Variants in MOCOS observed in about 807,000 individuals in gnomAD.
MOCOS encodes molybdenum cofactor sulfurase.
Under a neutral mutation model 83.6 loss-of-function variants are expected in MOCOS, and 86 were observed. That is an observed-to-expected ratio of 1.03 (90% CI 0.86 to 1.23). The LOEUF is 1.23. MOCOS is among the 50% of genes most tolerant of loss of function. MOCOS has a pLI of 0.00. For synonymous variants in MOCOS, 445 were observed against 434.7 expected (o/e 1.02, Z -0.29); for missense variants, 1,120 against 1,126.9 (o/e 0.99, Z 0.09).
intron 11 of MOCOS, chr18:36,256,719 AG>A: frequency 2.4e-6 from 1 of 418,742 alleles, no homozygotes. Flanking sequence ...CAAAGTGCTG[AG>A]CCACTGTGCC....
chr18:36,245,247 T>C (rs1483580246), intron 9 of MOCOS, among the ~76,000 whole-genome samples: 3 of 152,216 alleles, frequency 2.0e-5, no homozygotes, highest in Admixed American at 1.3e-4. Flanking sequence ...AAGGAAGTTC[T>C]ATTTTTGGTG....
At chr18:36,189,454 G>GT (rs2091356440) in intron 1 of MOCOS, among the ~76,000 whole-genome samples, 1 of 148,764 alleles carries the variant, frequency 6.7e-6, no homozygotes, top group Non-Finnish European at 1.5e-5. Context: ...CAGAGAGAGG[G>GT]CGGGAAAAAA....
Position 36,241,950 on chromosome 18 carries a change from C to T in MOCOS, c.1961-6972C>T, listed in dbSNP as rs867892353. The stretch of plus-strand genomic sequence containing the variant: ...CACCAAATCCTGAGGCTACACACAG[C>T]AGTGGGGCCCTGAGCCTGACCCGCG... On this transcript the variant is annotated intron_variant, in intron 9 of 14. Coordinates refer to ENST00000261326, the MANE Select transcript of MOCOS (RefSeq NM_017947.4). Among the ~76,000 whole-genome samples the T allele has an allele frequency of 1.1e-4, 17 of 152,342 alleles. No homozygotes were observed. In the South Asian group the frequency reaches 3.5e-3, roughly 32 times the overall value.
intron 10 of MOCOS, among the ~76,000 whole-genome samples, chr18:36,250,708 C>G (rs1034836824): frequency 6.6e-6 from 1 of 152,194 alleles, no homozygotes; most frequent in Non-Finnish European, 1.5e-5. Context: ...AAATGCAGTA[C>G]TTATATCTGT....
intron 13 of MOCOS, among the ~76,000 whole-genome samples, chr18:36,264,550 G>T (rs1382807416): frequency 2.6e-5 from 4 of 152,130 alleles, no homozygotes; most frequent in Non-Finnish European, 2.9e-5. Flanking sequence ...TGCCAGGCCT[G>T]GGCTTGAGTC....
At position 36,270,319 on chromosome 18, in the gene MOCOS, A is replaced by G. The variant is rs1287410174; in HGVS notation, c.*1634A>G. 1.3e-5 allele frequency: 2 copies of G among 152,216 alleles called. No individual in the cohort carries two copies. Among genetic ancestry groups the G allele is most frequent in the African/African-American group, 4.8e-5 (2 of 41,434 alleles). 9.4% of individuals were successfully genotyped at this position (152,216 alleles called of 1,614,324 possible). A position where few individuals can be genotyped will look rare whatever the true frequency, so the allele number is the denominator to read the frequency against. ...CTCAGGCCAGTTTCATGCAGGAGGG[A>G]ACTTTCCAGATGGCACATTGCCCCA... On this transcript the variant is annotated 3_prime_UTR_variant, in exon 15 of 15. Transcript: ENST00000261326.
intron 14 of MOCOS, 74 bp from the exon 15 acceptor site, chr18:36,268,459 T>G: frequency 6.3e-7 from 1 of 1,592,908 alleles, no homozygotes; most frequent in East Asian, 2.2e-5. Flanking sequence ...TAGTTAAACA[T>G]TAATATTTAC....
chr18:36,200,420 G>C, intron 4 of MOCOS, 96 bp downstream of exon 4: 1 of 1,482,878 alleles, frequency 6.7e-7, no homozygotes, highest in Non-Finnish European at 9.2e-7. Flanking sequence ...GTCTGGCTTT[G>C]AGGGTCAGCA....
rs147064154 is a variant in MOCOS at position 36,200,999 on chromosome 18, G to T, written c.941+675G>T. The stretch of plus-strand genomic sequence containing the variant: ...CCAGGCTGCAAGGGCAGGTGGTGTG[G>T]GTTATGCTCAGGACTCTTTCAAATG... On this transcript the variant is annotated intron_variant, in intron 4 of 14. Coordinates refer to ENST00000261326, the MANE Select transcript of MOCOS (RefSeq NM_017947.4). Among the ~76,000 whole-genome samples, 105 of 152,334 alleles carry T rather than the reference G, an allele frequency of 6.9e-4. No individual in the cohort carries two copies. In the East Asian group the frequency reaches 0.017, roughly 24 times the overall value.
chr18:36,240,425 G>A (rs1316756616), intron 9 of MOCOS, among the ~76,000 whole-genome samples: 2 of 150,426 alleles, frequency 1.3e-5, no homozygotes, highest in African/African-American at 4.9e-5. Flanking sequence ...CTGCTGGGGG[G>A]TGCCTCCCAG....
chr18:36,229,172 C>T (rs2091528866), intron 9 of MOCOS, among the ~76,000 whole-genome samples: 1 of 151,966 alleles, frequency 6.6e-6, no homozygotes, highest in African/African-American at 2.4e-5. Context: ...CTTTCTTATG[C>T]TATTGTGTTG....
At chr18:36,260,006 C>G (rs1051051742) in intron 12 of MOCOS, 31 bp from the exon 13 acceptor site, 3 of 1,613,754 alleles carry the variant, frequency 1.9e-6, no homozygotes, top group South Asian at 1.1e-5. Flanking sequence ...CCATCCTCCC[C>G]CTACTTACTC....
intron 14 of MOCOS, among the ~76,000 whole-genome samples, chr18:36,268,043 G>A (rs2091687362): frequency 1.3e-5 from 2 of 152,184 alleles, no homozygotes; most frequent in African/African-American, 4.8e-5. Flanking sequence ...TGCATTGATG[G>A]TTAACATTGA....
chr18:36,203,480 C>T (rs954161974), intron 5 of MOCOS, among the ~76,000 whole-genome samples: 1 of 152,176 alleles, frequency 6.6e-6, no homozygotes, highest in African/African-American at 2.4e-5. Flanking sequence ...TCCCTGGGTC[C>T]TGGGAATGGT....
At chr18:36,222,500 TA>T (rs1391832348) in intron 9 of MOCOS, among the ~76,000 whole-genome samples, 2 of 152,152 alleles carry the variant, frequency 1.3e-5, no homozygotes, top group African/African-American at 4.8e-5. Context: ...TTAGTGATGT[TA>T]AACATTTTCC....
intron 9 of MOCOS, among the ~76,000 whole-genome samples, chr18:36,237,008 C>T (rs1049731491): frequency 2.6e-5 from 4 of 151,634 alleles, no homozygotes; most frequent in African/African-American, 7.3e-5. Context: ...GCTGAAGTTG[C>T]TTATGAGCTT....
intron 9 of MOCOS, 79 bp downstream of exon 9, chr18:36,220,296 T>C (rs1261615912): frequency 6.4e-7 from 1 of 1,556,360 alleles, no homozygotes; most frequent in African/African-American, 1.4e-5. Flanking sequence ...TACCAAGTGT[T>C]AGAATAACCC....
chr18:36,239,465 C>G (rs1487375218), intron 9 of MOCOS, among the ~76,000 whole-genome samples: 1 of 151,622 alleles, frequency 6.6e-6, no homozygotes, highest in Non-Finnish European at 1.5e-5. Context: ...TATTGGCCCC[C>G]ACTCTCTTCT....
At chr18:36,250,232 C>T (rs987447265) in intron 10 of MOCOS, among the ~76,000 whole-genome samples, 2 of 152,158 alleles carry the variant, frequency 1.3e-5, no homozygotes, top group Non-Finnish European at 2.9e-5. Context: ...GATTGCCTAC[C>T]AGTTAACACA....
Sources: allele counts gnomAD v4.1 joint callset (sites outside exome capture counted in the v4.1 genomes callset), GRCh38; gene constraint gnomAD v4.1.1; transcripts MANE v1.5; gene names NCBI Gene and HGNC (gene_info 2026-07-23, HGNC 2026-07-21).